The following AGTPBP1 variants were observed in gnomAD, a reference collection of about 807,000 sequenced individuals.
AGTPBP1 encodes the protein cytosolic carboxypeptidase 1.
In AGTPBP1, 70 loss-of-function variants were observed where a neutral mutation model predicts 143.9. The ratio of observed to expected loss-of-function variants is 0.49; its 90% confidence interval spans 0.40 to 0.59. AGTPBP1 has a LOEUF of 0.59. AGTPBP1 is among the 20% of genes least tolerant of loss of function. The pLI, the probability that AGTPBP1 is intolerant of heterozygous loss-of-function variation, is 0.00. For missense variants in AGTPBP1, 1,229 were observed against 1,464.5 expected, an observed-to-expected ratio of 0.84 and a Z score of 2.62; for synonymous variants, 463 against 500.2, an observed-to-expected ratio of 0.93 and a Z score of 0.99.
intron 23 of AGTPBP1, among the ~76,000 whole-genome samples, chr9:85,579,963 G>A (rs1044485200): frequency 5.9e-5 from 9 of 151,754 alleles, no homozygotes; most frequent in African/African-American, 4.8e-5. Flanking sequence ...ACTTCAGAAT[G>A]GGTCGGGCTC....
intron 17 of AGTPBP1, among the ~76,000 whole-genome samples, chr9:85,599,102 T>C (rs1015944418): frequency 1.5e-5 from 2 of 129,944 alleles, no homozygotes; most frequent in African/African-American, 6.2e-5. Context: ...TTTTCAACCT[T>C]GTCACTGAAC....
chr9:85,599,509 T>A (rs1829527437), intron 17 of AGTPBP1, among the ~76,000 whole-genome samples: 1 of 152,172 alleles, frequency 6.6e-6, no homozygotes, highest in Non-Finnish European at 1.5e-5. Flanking sequence ...TGATTGATAT[T>A]TTTCTAACAC....
chr9:85,587,045 T>G, intron 21 of AGTPBP1, 85 bp from the exon 22 acceptor site: 1 of 1,507,226 alleles, frequency 6.6e-7, no homozygotes, highest in East Asian at 2.3e-5. Flanking sequence ...TATACATATC[T>G]GATTTAACTT....
intron 7 of AGTPBP1, among the ~76,000 whole-genome samples, chr9:85,672,271 G>A (rs1834533931): frequency 6.6e-6 from 1 of 152,092 alleles, no homozygotes; most frequent in Non-Finnish European, 1.5e-5. Flanking sequence ...GTTTCCCCAT[G>A]TCGGTCAGGC....
At chr9:85,770,183 G>A in the AGTPBP1 span, 333 of 753,328 alleles carry the variant, frequency 4.4e-4, 2 homozygotes, top group Non-Finnish European at 5.8e-5. Flanking sequence ...TACAAGAGTG[G>A]TAATATCCAT....
At chr9:85,746,464 A>G (rs1824584253), upstream of AGTPBP1, among the ~76,000 whole-genome samples, 1 of 152,118 alleles carries the variant, frequency 6.6e-6, no homozygotes, top group African/African-American at 2.4e-5. Context: ...CATCTCTACA[A>G]AAATTAAAAT....
In AGTPBP1 at chr9:85,619,032, G is replaced by A. The variant is rs1244050077; in HGVS notation, c.2286C>T (p.Tyr762=). 3.1e-6 allele frequency: 5 copies of A among 1,613,792 alleles called. No homozygotes were observed. Among genetic ancestry groups the A allele is most frequent in the East Asian group, 2.2e-5 (1 of 44,798 alleles). ...EVSGMRPGVA[Y]RFNIINCEKS... ...TTTCACAGTTAATGATGTTAAACCT[G>A]TAAGCAACACCTGGTCGCATTCCAC... The change falls in exon 17 of 26, where the codon TAC becomes TAT. Residue 762 remains tyrosine (Y), a synonymous_variant. Coordinates refer to ENST00000357081, the MANE Select transcript of AGTPBP1 (RefSeq NM_001330701.2).
At chr9:85,678,016 CAAT>C (rs1834942493) in intron 5 of AGTPBP1, among the ~76,000 whole-genome samples, 1 of 151,980 alleles carries the variant, frequency 6.6e-6, no homozygotes, top group Non-Finnish European at 1.5e-5. Context: ...ATCAATCAAT[CAAT>C]AATATCAAAC....
chr9:85,785,127 G>A, the AGTPBP1 span, among the ~76,000 whole-genome samples: 1 of 152,174 alleles, frequency 6.6e-6, no homozygotes, highest in African/African-American at 2.4e-5. Context: ...GAGGTCAGGA[G>A]ATCGAGACCA....
At chr9:85,771,880 C>T in the AGTPBP1 span, among the ~76,000 whole-genome samples, 6 of 151,964 alleles carry the variant, frequency 3.9e-5, no homozygotes, top group South Asian at 8.3e-4. Flanking sequence ...GAGATGGTCT[C>T]GATCACCTGA....
chr9:85,680,165 T>C (rs564022855), intron 4 of AGTPBP1, among the ~76,000 whole-genome samples: 1 of 152,370 alleles, frequency 6.6e-6, no homozygotes, highest in South Asian at 2.1e-4. Context: ...TTCCAAACTA[T>C]TTTAATTACT....
Position 85,601,808 on chromosome 9 carries a change from T to C in AGTPBP1, c.2336-5359A>G, listed in dbSNP as rs555044828. ...AAGGACAGGAATCTTTGGCCTGCTG[T>C]TGCCACCACTGGTGCCCAAGGAATG... On this transcript the variant is annotated intron_variant, in intron 17 of 25. Transcript: ENST00000357081. Among the ~76,000 whole-genome samples, 11 of 152,248 alleles carry C rather than the reference T, an allele frequency of 7.2e-5. No homozygotes were observed. In the South Asian group the frequency reaches 1.7e-3, roughly 23 times the overall value.
the AGTPBP1 span, among the ~76,000 whole-genome samples, chr9:85,790,721 A>G: frequency 6.6e-6 from 1 of 152,198 alleles, no homozygotes; most frequent in Admixed American, 6.5e-5. Context: ...AATATATTGA[A>G]TAAGACTTAG....
chr9:85,771,704 G>A, the AGTPBP1 span, among the ~76,000 whole-genome samples: 1 of 150,542 alleles, frequency 6.6e-6, no homozygotes, highest in African/African-American at 2.5e-5. Context: ...CCAGGCTGGA[G>A]TGCAGTGGCG....
intron 19 of AGTPBP1, among the ~76,000 whole-genome samples, chr9:85,590,027 A>C (rs184044330): frequency 2.0e-5 from 3 of 152,134 alleles, no homozygotes; most frequent in Admixed American, 6.6e-5. Flanking sequence ...GTTCCAAAAA[A>C]CCTTTTGGTT....
At chr9:85,760,663 G>A in the AGTPBP1 span, among the ~76,000 whole-genome samples, 11 of 152,122 alleles carry the variant, frequency 7.2e-5, no homozygotes, top group Middle Eastern at 3.4e-3. Context: ...AGCCAATATC[G>A]TACTGAATGG....
At chr9:85,697,290 A>C (rs1836309111) in intron 2 of AGTPBP1, among the ~76,000 whole-genome samples, 3 of 152,144 alleles carry the variant, frequency 2.0e-5, no homozygotes, top group Admixed American at 6.5e-5. Flanking sequence ...CAAAAATGTA[A>C]TAAAATATGC....
At chr9:85,755,654 G>GT in the AGTPBP1 span, among the ~76,000 whole-genome samples, 4 of 152,232 alleles carry the variant, frequency 2.6e-5, no homozygotes, top group East Asian at 7.7e-4. Context: ...GGATAGACGG[G>GT]TAAAAACTAC....
intron 17 of AGTPBP1, among the ~76,000 whole-genome samples, chr9:85,601,229 A>T: frequency 6.6e-6 from 1 of 152,190 alleles, no homozygotes; most frequent in East Asian, 1.9e-4. Context: ...CCCTGGGGGC[A>T]GGCAGACTTC....
Sources: allele counts gnomAD v4.1 joint callset (sites outside exome capture counted in the v4.1 genomes callset), GRCh38; gene constraint gnomAD v4.1.1; transcripts MANE v1.5; gene names NCBI Gene and HGNC (gene_info 2026-07-23, HGNC 2026-07-21).